CRISPLD2: variants seen among roughly 807,000 people sequenced by gnomAD.
CRISPLD2 encodes cysteine rich secretory protein LCCL domain containing 2.
Under a neutral mutation model 71.1 loss-of-function variants are expected in CRISPLD2, and 47 were observed. The ratio of observed to expected loss-of-function variants is 0.66; its 90% CI spans 0.52 to 0.84. The LOEUF (loss-of-function observed/expected upper bound fraction) is 0.84. CRISPLD2 is among the 40% of genes least tolerant of loss of function. The probability of loss-of-function intolerance (pLI) is 0.00; values close to 1 mark genes in which losing one functional copy is unlikely to be tolerated. For synonymous variants in CRISPLD2, 317 were observed against 250.1 expected, an observed-to-expected ratio of 1.27 and a Z score of -2.52; for missense variants, 830 against 651.1, an observed-to-expected ratio of 1.27 and a Z score of -2.99.
intron 1 of CRISPLD2, among the ~76,000 whole-genome samples, chr16:84,827,558 C>CTTTTTTTTTTTT (rs571068599): frequency 7.4e-6 from 1 of 135,908 alleles, no homozygotes; most frequent in African/African-American, 2.8e-5. Context: ...AGTGCCCTTT[C>CTTTTTTTTTTTT]TTTTTTTTTT....
At chr16:84,890,452 A>G (rs1239627798) in intron 14 of CRISPLD2, among the ~76,000 whole-genome samples, 1 of 152,180 alleles carries the variant, frequency 6.6e-6, no homozygotes, top group Admixed American at 6.5e-5. Flanking sequence ...CTTTATGGAA[A>G]TCTATGACCA....
At chr16:84,829,584 C>T (rs1441064920) in intron 1 of CRISPLD2, among the ~76,000 whole-genome samples, 1 of 152,190 alleles carries the variant, frequency 6.6e-6, no homozygotes, top group Non-Finnish European at 1.5e-5. Flanking sequence ...CTTCTGGGGT[C>T]AGCTGCTCTC....
At chr16:84,849,324 C>G in intron 3 of CRISPLD2, 61 bp from the exon 4 acceptor site, 1 of 1,506,212 alleles carries the variant, frequency 6.6e-7, no homozygotes, top group East Asian at 2.3e-5. Flanking sequence ...GTGGCTGCTG[C>G]TGTCTCCACT....
rs904563439 is a variant in CRISPLD2 at position 84,829,367 on chromosome 16, G to A, written c.-74-9055G>A. ...GTGGTGCTTACCCAGGCGCTCTAAC[G>A]GGATGTTCTGCTCAGTCAAGGGATC... On this transcript the variant is annotated intron_variant, in intron 1 of 14. Transcript: ENST00000262424. 6 of 152,340 alleles carry A rather than the reference G, an allele frequency of 3.9e-5. 1 individual carries two copies. Among genetic ancestry groups the A allele is most frequent in the South Asian group, 4.1e-4 (2 of 4,830 alleles). 9.4% of individuals were successfully genotyped at this position (152,340 alleles called of 1,614,324 possible). A position where few individuals can be genotyped will look rare whatever the true frequency, so the allele number is the denominator to read the frequency against.
intron 12 of CRISPLD2, among the ~76,000 whole-genome samples, chr16:84,879,920 C>G (rs952518725): frequency 1.3e-5 from 2 of 152,206 alleles, no homozygotes; most frequent in Non-Finnish European, 2.9e-5. Context: ...TCTTTCCTGG[C>G]TTGAGTTTGT....
At chr16:84,862,376 T>A (rs1306379877) in intron 6 of CRISPLD2, among the ~76,000 whole-genome samples, 1 of 152,036 alleles carries the variant, frequency 6.6e-6, no homozygotes, top group African/African-American at 2.4e-5. Flanking sequence ...TTTTAAAAAT[T>A]TTTTGTAGAG....
chr16:84,903,234 C>A (rs1487575004), intron 14 of CRISPLD2, among the ~76,000 whole-genome samples: 2 of 152,122 alleles, frequency 1.3e-5, no homozygotes, highest in Non-Finnish European at 2.9e-5. Context: ...CCAGCCTGGC[C>A]CCTTCCTGGA....
rs372991636 is a variant in CRISPLD2 at position 84,906,669 on chromosome 16, G to A, written c.*27G>A. On this transcript the variant is annotated 3_prime_UTR_variant, in exon 15 of 15. Transcript: ENST00000262424. ...TTTCCAGCACCAGGGGAGAAGGGGC[G>A]TCTTCAGGAGGGCTTCGGGGTTTTG... 219 of 1,613,490 alleles carry A rather than the reference G, an allele frequency of 1.4e-4. No individual in the cohort carries two copies. The highest frequency in any genetic ancestry group is 1.7e-4 in the Non-Finnish European group (197 of 1,179,396).
In CRISPLD2 at chr16:84,877,606, T is replaced by C. The variant is rs902625472; in HGVS notation, c.1229+96T>C. On this transcript the variant is annotated intron_variant, in intron 12 of 14. Coordinates refer to ENST00000262424, the MANE Select transcript of CRISPLD2 (RefSeq NM_031476.4). ...GGCTCACAGCTGTAATCCCAGCACTTTGGGAGGCCGAGGCGGGTGGATCAC... is the reference window on the plus strand; with the variant it reads ...GGCTCACAGCTGTAATCCCAGCACTCTGGGAGGCCGAGGCGGGTGGATCAC... 6 of 1,170,814 alleles carry C rather than the reference T, an allele frequency of 5.1e-6. No individual in the cohort carries two copies. The Admixed American group carries it at 1.2e-4, about 23-fold the overall frequency. 72.5% of individuals were successfully genotyped at this position (1,170,814 alleles called of 1,614,324 possible). A position where few individuals can be genotyped will look rare whatever the true frequency, so the allele number is the denominator to read the frequency against.
intron 6 of CRISPLD2, chr16:84,863,304 G>A (rs1236726349): frequency 6.6e-6 from 1 of 152,104 alleles, no homozygotes; most frequent in African/African-American, 2.4e-5. Context: ...TAAATTTTTG[G>A]TAGAAAGTAT....
At position 84,889,237 on chromosome 16, in the gene CRISPLD2, G is replaced by A. The variant is rs768863429; in HGVS notation, c.1313G>A (p.Ser438Asn). 2.5e-6 allele frequency: 4 copies of A among 1,614,146 alleles called. 1 individual carries two copies. The South Asian group carries it at 4.4e-5, about 18-fold the overall frequency. Residue 438 changes from serine to asparagine, a missense_variant, in exon 14 of 15, where the codon AGC becomes AAC. Physicochemically the swap from Ser to Asn is conservative, Grantham distance 46. Coordinates refer to ENST00000262424, the MANE Select transcript of CRISPLD2 (RefSeq NM_031476.4). ...FGTNIYADTS[S>N]ICKTAVHAGV... The stretch of plus-strand genomic sequence containing the variant: ...CCCTTCCTGTGCTTCCAGACCTCAA[G>A]CATCTGCAAGACAGCCGTGCACGCG...
At chr16:84,855,247 G>A (rs542294524) in intron 6 of CRISPLD2, among the ~76,000 whole-genome samples, 43 of 152,130 alleles carry the variant, frequency 2.8e-4, no homozygotes, top group Non-Finnish European at 5.9e-4. Flanking sequence ...CCATGTATTA[G>A]GGTTCTCTAG....
chr16:84,844,740 C>T (rs905485235), intron 2 of CRISPLD2, among the ~76,000 whole-genome samples: 20 of 152,144 alleles, frequency 1.3e-4, no homozygotes, highest in African/African-American at 1.2e-4. Context: ...TGTTGCCCTG[C>T]GGGTGGCCAG....
intron 6 of CRISPLD2, among the ~76,000 whole-genome samples, chr16:84,865,096 C>G (rs991669214): frequency 6.6e-6 from 1 of 151,852 alleles, no homozygotes; most frequent in East Asian, 1.9e-4. Context: ...AAAGAAAGCT[C>G]ATGTATTTTA....
intron 2 of CRISPLD2, among the ~76,000 whole-genome samples, chr16:84,844,354 T>C (rs1916854000): frequency 6.6e-6 from 1 of 152,210 alleles, no homozygotes; most frequent in African/African-American, 2.4e-5. Context: ...TGTGGTAAAG[T>C]ATACGGACTA....
chr16:84,895,392 T>C (rs757745818), intron 14 of CRISPLD2, among the ~76,000 whole-genome samples: 3 of 152,198 alleles, frequency 2.0e-5, no homozygotes, highest in African/African-American at 7.2e-5. Context: ...ATATACTTGT[T>C]CCTGTCTTTA....
At chr16:84,891,777 A>T (rs1467102154) in intron 14 of CRISPLD2, among the ~76,000 whole-genome samples, 1 of 151,914 alleles carries the variant, frequency 6.6e-6, no homozygotes, top group Non-Finnish European at 1.5e-5. Context: ...GAGGGCAGGG[A>T]TGGAGAGAAG....
intron 14 of CRISPLD2, among the ~76,000 whole-genome samples, chr16:84,905,626 A>T (rs1255046619): frequency 8.7e-5 from 13 of 149,832 alleles, no homozygotes; most frequent in Admixed American, 8.6e-4. Context: ...CCAGACCTCA[A>T]GTGATCCACC....
chr16:84,870,678 T>G (rs898302750), intron 8 of CRISPLD2, among the ~76,000 whole-genome samples: 3 of 152,258 alleles, frequency 2.0e-5, no homozygotes, highest in African/African-American at 7.2e-5. Flanking sequence ...GCTTAGTGAC[T>G]GCCTGATACT....
Sources: allele counts gnomAD v4.1 joint callset (sites outside exome capture counted in the v4.1 genomes callset), GRCh38; gene constraint gnomAD v4.1.1; transcripts MANE v1.5; gene names NCBI Gene and HGNC (gene_info 2026-07-23, HGNC 2026-07-21).